The following PNLIP variants were observed in gnomAD, a reference collection of about 807,000 sequenced individuals.
PNLIP encodes pancreatic lipase.
Under a neutral mutation model 57.1 loss-of-function variants are expected in PNLIP, and 49 were observed. That is an observed-to-expected ratio of 0.86 (90% CI 0.68 to 1.09). The LOEUF is 1.09. PNLIP is among the 50% of genes least tolerant of loss of function. The pLI, the probability that PNLIP is intolerant of heterozygous loss-of-function variation, is 0.00. For missense variants in PNLIP, 503 were observed against 570.2 expected (o/e 0.88, Z 1.20); for synonymous variants, 209 against 200.4 (o/e 1.04, Z -0.36).
chr10:116,553,914 C>T (rs1589556232), intron 6 of PNLIP, 76 bp downstream of exon 6: 4 of 762,630 alleles, frequency 5.2e-6, no homozygotes, highest in Non-Finnish European at 8.7e-6. Context: ...TGAGGCCAAT[C>T]TGGGCAACAT....
rs113718438 is a variant in PNLIP, at chr10:116,546,637, A to G, written c.46+499A>G. Among the ~76,000 whole-genome samples the G allele has an allele frequency of 3.7e-3, 556 of 152,230 alleles. 4 individuals carry two copies. Among genetic ancestry groups the G allele is most frequent in the African/African-American group, 0.013 (528 of 41,538 alleles). On this transcript the variant is annotated intron_variant, in intron 2 of 12. Coordinates refer to ENST00000369221, the MANE Select transcript of PNLIP (RefSeq NM_000936.4). ...TTAGGTCAGATTAGTAAACCATCCA[A>G]CCCAGCACCTGACACATGGTAAGAT... is the stretch of plus-strand genomic sequence containing the variant.
At chr10:116,553,561 C>T (rs1847217642) in intron 5 of PNLIP, among the ~76,000 whole-genome samples, 166 bp from the exon 6 acceptor site, 2 of 152,152 alleles carry the variant, frequency 1.3e-5, no homozygotes, top group South Asian at 4.1e-4. Flanking sequence ...TACCACACAG[C>T]CCAGGTAGGT....
At chr10:116,557,254 G>A (rs1847262494) in intron 9 of PNLIP, among the ~76,000 whole-genome samples, 1 of 152,124 alleles carries the variant, frequency 6.6e-6, no homozygotes, top group South Asian at 2.1e-4. Context: ...GTTTCATTCA[G>A]TTAAAACTTA....
rs1847137276 is a variant in PNLIP at position 116,547,334 on chromosome 10, T to C, written c.87T>C (p.Asp29=). ...ACGAAAGACTCGGCTGCTTCAGTGA[T>C]GACTCCCCATGGTCAGGAATTACGG... The part of the protein sequence containing the change: ...VCYERLGCFS[D]DSPWSGITER... The change falls in exon 3 of 13, where the codon GAT becomes GAC. Residue 29 remains aspartate, a synonymous_variant. Transcript: ENST00000369221. 8 of 1,613,988 alleles carry C rather than the reference T, an allele frequency of 5.0e-6. No individual in the cohort carries two copies. Among genetic ancestry groups the C allele is most frequent in the African/African-American group, 1.3e-5 (1 of 74,904 alleles).
intron 9 of PNLIP, among the ~76,000 whole-genome samples, chr10:116,556,366 T>G (rs1200778841): frequency 6.6e-6 from 1 of 152,198 alleles, no homozygotes; most frequent in Non-Finnish European, 1.5e-5. Flanking sequence ...CAAACTTGTT[T>G]TAGAAATAAC....
chr10:116,551,411 TA>T (rs1847190863), intron 5 of PNLIP, 179 bp downstream of exon 5: 1 of 417,910 alleles, frequency 2.4e-6, no homozygotes, highest in Non-Finnish European at 4.1e-6. Flanking sequence ...GTTTCATCAA[TA>T]ACCCATTATG....
rs536732493 is a variant in PNLIP at position 116,549,142 on chromosome 10, C to T, written c.324+660C>T. 4.9e-4 allele frequency among the ~76,000 whole-genome samples: 75 copies of T among 152,232 alleles called. 1 individual carries two copies. The South Asian group carries it at 0.012, about 24-fold the overall frequency. On this transcript the variant is annotated intron_variant, in intron 4 of 12. Coordinates refer to ENST00000369221, the MANE Select transcript of PNLIP (RefSeq NM_000936.4). ...GTATTCATCAAATTTCTTTGACCTG[C>T]TGTCGCACAAAGGGAGTAGTCCTTT...
At position 116,561,471 on chromosome 10, in the gene PNLIP, G is replaced by GA. The variant is rs1396883306; in HGVS notation, c.1170-1_1170insA (p.Thr392HisfsTer6). 1 of 1,609,448 alleles carries GA rather than the reference G, an allele frequency of 6.2e-7. No homozygotes were observed. ...TTTTTGTTAACTTCTTAAATCCTTA[G>GA]GGGCACTCTCAAACCAGATAGTACT... On this transcript the variant is annotated frameshift_variant and splice_region_variant. Coordinates refer to ENST00000369221, the MANE Select transcript of PNLIP (RefSeq NM_000936.4). LOFTEE classifies it high-confidence loss of function.
In PNLIP at chr10:116,567,759, C is replaced by A; in HGVS notation, c.1359C>A (p.Thr453=). 6.2e-7 allele frequency: 1 copy of A among 1,613,906 alleles called. No individual in the cohort carries two copies. The highest frequency in any genetic ancestry group is 8.5e-7 in the Non-Finnish European group (1 of 1,179,808). Residue 453 remains threonine (T), a synonymous_variant, in exon 13 of 13, where the codon ACC becomes ACA. Transcript: ENST00000369221. The part of the protein sequence containing the change: ...GKQFNFCSPE[T]VREEVLLTLT... ...GGTTCAACTTCTGTAGTCCAGAAAC[C>A]GTCAGGGAGGAAGTTCTGCTCACCC...
At chr10:116,552,296 G>A (rs965468054) in intron 5 of PNLIP, among the ~76,000 whole-genome samples, 1 of 152,110 alleles carries the variant, frequency 6.6e-6, no homozygotes, top group African/African-American at 2.4e-5. Context: ...AAGTATTCCA[G>A]AAGAAGACAT....
Position 116,547,346 on chromosome 10 carries a change from G to C in PNLIP, c.99G>C (p.Trp33Cys). 1 of 1,614,080 alleles carries C rather than the reference G, an allele frequency of 6.2e-7. No homozygotes were observed. Among genetic ancestry groups the C allele is most frequent in the Non-Finnish European group, 8.5e-7 (1 of 1,179,988 alleles). The change falls in exon 3 of 13, where the codon TGG becomes TGC. Residue 33 changes from tryptophan to cysteine, a missense_variant. Trp to Cys is a radical substitution (Grantham distance 215). Coordinates refer to ENST00000369221, the MANE Select transcript of PNLIP (RefSeq NM_000936.4). ...GCTGCTTCAGTGATGACTCCCCATGGTCAGGAATTACGGAAAGACCCCTCC... is the reference window on the plus strand; with the variant it reads ...GCTGCTTCAGTGATGACTCCCCATGCTCAGGAATTACGGAAAGACCCCTCC... ...RLGCFSDDSPWSGITERPLHI... is the reference protein window; with the variant it reads ...RLGCFSDDSPCSGITERPLHI...
chr10:116,558,921 G>A (rs902254252), intron 9 of PNLIP, among the ~76,000 whole-genome samples: 1 of 152,114 alleles, frequency 6.6e-6, no homozygotes, highest in African/African-American at 2.4e-5. Flanking sequence ...CACCACGCCC[G>A]GCTCGTTGTA....
At chr10:116,559,100 G>A in intron 9 of PNLIP, 54 bp from the exon 10 acceptor site, 3 of 1,580,598 alleles carry the variant, frequency 1.9e-6, no homozygotes, top group Non-Finnish European at 2.6e-6. Flanking sequence ...AGGAAATATG[G>A]TACACAACTA....
At chr10:116,546,182 C>T in intron 2 of PNLIP, 44 bp downstream of exon 2, 1 of 1,554,450 alleles carries the variant, frequency 6.4e-7, no homozygotes, top group Non-Finnish European at 8.9e-7. Flanking sequence ...ATTCACTTTT[C>T]AACACGGTCA....
chr10:116,559,334 A>G (rs749925630), intron 10 of PNLIP, 51 bp downstream of exon 10: 1 of 1,368,526 alleles, frequency 7.3e-7, no homozygotes, highest in Middle Eastern at 1.9e-4. Context: ...ATATTTTATT[A>G]TTATGTCCAC....
intron 6 of PNLIP, 94 bp from the exon 7 acceptor site, chr10:116,555,084 C>T: frequency 2.2e-6 from 3 of 1,382,662 alleles, no homozygotes; most frequent in Non-Finnish European, 3.1e-6. Context: ...TAAGGAAGAA[C>T]CCGTTCATCC....
chr10:116,561,060 C>T (rs1847310696), intron 11 of PNLIP, among the ~76,000 whole-genome samples: 1 of 152,112 alleles, frequency 6.6e-6, no homozygotes. Context: ...ATGCTATTTC[C>T]TGATAAAACC....
rs564310503 is a variant in PNLIP at position 116,553,843 on chromosome 10, G to A, written c.571+5G>A. ...GGACCATTGGACGCATCACAGGTTG[G>A]TGAAAACAGTGAAAGATACCAGGGG... On this transcript the variant is annotated splice_donor_5th_base_variant and intron_variant, in intron 6 of 12. Transcript: ENST00000369221. 1.3e-6 allele frequency: 2 copies of A among 1,552,418 alleles called. No individual in the cohort carries two copies. The highest frequency in any genetic ancestry group is 1.8e-6 in the Non-Finnish European group (2 of 1,127,820).
chr10:116,567,726 T>C lies in PNLIP; in HGVS notation c.1335-9T>C, dbSNP rs560022021. 8 of 1,613,086 alleles carry C rather than the reference T, an allele frequency of 5.0e-6. No homozygotes were observed. The East Asian group carries it at 8.9e-5, about 18-fold the overall frequency. ...GAGGAGGTGACTTTGTGTTGTTTTT[T>C]CTCCACAGGTTCAACTTCTGTAGTC... is the stretch of plus-strand genomic sequence containing the variant. On this transcript the variant is annotated splice_polypyrimidine_tract_variant and intron_variant, in intron 12 of 12. Transcript: ENST00000369221.
Sources: gnomAD v4.1 joint callset for allele counts (sites outside exome capture counted in the v4.1 genomes callset) on GRCh38, gnomAD v4.1.1 for gene constraint, MANE v1.5 for transcripts, NCBI Gene and HGNC (gene_info 2026-07-23, HGNC 2026-07-21) for gene names.